IL1RL2: variants seen among roughly 807,000 people sequenced by gnomAD.
IL1RL2 encodes the protein interleukin 1 receptor like 2.
Under a neutral mutation model 66.8 loss-of-function variants are expected in IL1RL2, and 68 were observed. The observed-to-expected ratio is 1.02, with a 90% CI of 0.84 to 1.25. The LOEUF (loss-of-function observed/expected upper bound fraction) is 1.25, where lower values mean the gene tolerates loss of function less well. IL1RL2 is among the 50% of genes most tolerant of loss of function. The pLI is 0.00. For synonymous variants in IL1RL2, 305 were observed against 264.6 expected, an observed-to-expected ratio of 1.15 and a Z score of -1.48; for missense variants, 729 against 709.3, an observed-to-expected ratio of 1.03 and a Z score of -0.32.
chr2:102,242,092 C>A (rs895831244), downstream of IL1RL2, among the ~76,000 whole-genome samples: 1 of 152,118 alleles, frequency 6.6e-6, no homozygotes, highest in Non-Finnish European at 1.5e-5. Context: ...CAGACACTTA[C>A]GCAAGTCTGC....
intron 9 of IL1RL2, among the ~76,000 whole-genome samples, chr2:102,226,670 G>C (rs1167585534): frequency 6.6e-6 from 1 of 152,072 alleles, no homozygotes; most frequent in East Asian, 1.9e-4. Flanking sequence ...AAGAGAGAGA[G>C]AGGGAGGAAG....
At chr2:102,224,631 G>A (rs1578177425) in intron 8 of IL1RL2, among the ~76,000 whole-genome samples, 1 of 152,130 alleles carries the variant, frequency 6.6e-6, no homozygotes, top group Non-Finnish European at 1.5e-5. Context: ...AATACAGTTT[G>A]ATAGTAGGAA....
intron 11 of IL1RL2, among the ~76,000 whole-genome samples, chr2:102,236,781 A>G: frequency 6.6e-6 from 1 of 152,126 alleles, no homozygotes; most frequent in Non-Finnish European, 1.5e-5. Context: ...CTGAGGTAGG[A>G]CATAAAATAC....
intron 9 of IL1RL2, among the ~76,000 whole-genome samples, chr2:102,226,993 T>C (rs1328168671): frequency 6.6e-6 from 1 of 152,214 alleles, no homozygotes; most frequent in Non-Finnish European, 1.5e-5. Context: ...GTCCTGCCAG[T>C]GCTGTTTGGC....
At chr2:102,242,370 T>C (rs1343719634), downstream of IL1RL2, among the ~76,000 whole-genome samples, 2 of 152,288 alleles carry the variant, frequency 1.3e-5, no homozygotes, top group East Asian at 3.9e-4. Flanking sequence ...AATATGACTT[T>C]TATATATATA....
At chr2:102,191,166 A>G (rs959988487) in intron 3 of IL1RL2, among the ~76,000 whole-genome samples, 9 of 152,192 alleles carry the variant, frequency 5.9e-5, no homozygotes, top group African/African-American at 1.7e-4. Flanking sequence ...AAACCATTTC[A>G]GTTGAAAAAA....
At chr2:102,231,354 C>T (rs529644574) in intron 9 of IL1RL2, among the ~76,000 whole-genome samples, 15 of 152,034 alleles carry the variant, frequency 9.9e-5, no homozygotes, top group African/African-American at 3.6e-4. Context: ...AAAAATTAGC[C>T]GGGCCTGGTG....
intron 5 of IL1RL2, among the ~76,000 whole-genome samples, chr2:102,203,117 C>T (rs1922301): frequency 0.05 from 7,539 of 152,104 alleles, 213 homozygotes; most frequent in Middle Eastern, 0.15. Flanking sequence ...ATGCTTTTTC[C>T]GCATCAATTG....
intron 11 of IL1RL2, chr2:102,235,867 C>T: frequency 5.1e-6 from 5 of 985,432 alleles, no homozygotes; most frequent in Non-Finnish European, 6.0e-6. Flanking sequence ...TTAAAAGTCA[C>T]CTAGACCAGT....
intron 11 of IL1RL2, among the ~76,000 whole-genome samples, chr2:102,236,309 A>G (rs1674878148): frequency 1.3e-5 from 2 of 152,040 alleles, no homozygotes; most frequent in Admixed American, 1.3e-4. Flanking sequence ...CAGGGGCGAG[A>G]GAGGGAGCCA....
rs1465146996 is a variant in IL1RL2, at chr2:102,239,265, G to A, written c.*24G>A. ...AAGACTTGCTGGACTGACACCTATG[G>A]CTGGAAGATGACTTGTTTTGCTCCA... On this transcript the variant is annotated 3_prime_UTR_variant, in exon 12 of 12. Transcript: ENST00000264257. The A allele has an allele frequency of 1.9e-6, 3 of 1,609,814 alleles. No homozygotes were observed. The highest frequency in any genetic ancestry group is 2.6e-6 in the Non-Finnish European group (3 of 1,176,172).
chr2:102,202,176 G>A (rs1688317737), intron 5 of IL1RL2, among the ~76,000 whole-genome samples: 1 of 152,072 alleles, frequency 6.6e-6, no homozygotes, highest in Non-Finnish European at 1.5e-5. Context: ...GCTGCTCATG[G>A]ACCTGTGTTC....
chr2:102,220,542 A>C (rs1438707450), intron 8 of IL1RL2, among the ~76,000 whole-genome samples: 1 of 152,302 alleles, frequency 6.6e-6, no homozygotes, highest in East Asian at 1.9e-4. Flanking sequence ...CAGTGAAAAG[A>C]TAGTGGAGGG....
At position 102,239,546 on chromosome 2, in the gene IL1RL2, G is replaced by T. The variant is rs1036648583; in HGVS notation, c.*305G>T. The T allele has an allele frequency of 2.0e-5, 7 of 342,566 alleles. No individual in the cohort carries two copies. In the East Asian group the frequency reaches 3.8e-4, roughly 19 times the overall value. The allele number at this position is 342,566 out of a possible 1,614,324, so 21.2% of individuals were successfully genotyped here. On this transcript the variant is annotated 3_prime_UTR_variant, in exon 12 of 12. Coordinates refer to ENST00000264257, the MANE Select transcript of IL1RL2 (RefSeq NM_003854.4). ...AAGTCATGGTGGGTGAGAGCTCGGA[G>T]CATCCCCATGTCATGGTGGGTGAGA... is the stretch of plus-strand genomic sequence containing the variant.
In IL1RL2 at chr2:102,235,054, C is replaced by T. The variant is rs1282041539; in HGVS notation, c.1455C>T (p.Leu485=). ...ALIQDGMKVI[L]IELEKIEDYT... ...TCCAGGACGGGATGAAGGTTATTCT[C>T]ATTGAGCTGGAGAAAATCGAGGACT... The change falls in exon 11 of 12, where the codon CTC becomes CTT. Residue 485 remains leucine (L), a synonymous_variant. Transcript: ENST00000264257. 6.2e-7 allele frequency: 1 copy of T among 1,614,038 alleles called. No homozygotes were observed. Among genetic ancestry groups the T allele is most frequent in the East Asian group, 2.2e-5 (1 of 44,886 alleles).
intron 5 of IL1RL2, among the ~76,000 whole-genome samples, chr2:102,205,708 G>T (rs72820152): frequency 6.6e-6 from 1 of 151,854 alleles, no homozygotes; most frequent in African/African-American, 2.4e-5. Context: ...ATGTCTTGAC[G>T]TAGTCTCCTT....
chr2:102,236,841 T>C (rs1229328047), intron 11 of IL1RL2, among the ~76,000 whole-genome samples: 1 of 152,208 alleles, frequency 6.6e-6, no homozygotes, highest in Non-Finnish European at 1.5e-5. Flanking sequence ...TCATTACTAC[T>C]ATTACATTTT....
chr2:102,231,931 T>C (rs1412299541), intron 9 of IL1RL2, among the ~76,000 whole-genome samples: 1 of 152,162 alleles, frequency 6.6e-6, no homozygotes, highest in Admixed American at 6.5e-5. Flanking sequence ...CCTGGTGCAG[T>C]TAGGACAGTG....
At chr2:102,192,356 T>C (rs1045340344) in intron 4 of IL1RL2, among the ~76,000 whole-genome samples, 2 of 152,224 alleles carry the variant, frequency 1.3e-5, no homozygotes, top group African/African-American at 4.8e-5. Context: ...TTCCTCCAGT[T>C]ATTCTTATTT....
Sources: allele counts gnomAD v4.1 joint callset (sites outside exome capture counted in the v4.1 genomes callset), GRCh38; gene constraint gnomAD v4.1.1; transcripts MANE v1.5; gene names NCBI Gene and HGNC (gene_info 2026-07-23, HGNC 2026-07-21).